Variants in NEGR1 observed in about 807,000 individuals in gnomAD.
NEGR1 encodes IgLON family member 4.
Under a neutral mutation model 40.9 loss-of-function variants are expected in NEGR1, and 10 were observed. The observed-to-expected ratio is 0.24, with a 90% CI of 0.15 to 0.42. NEGR1 has a LOEUF of 0.42. Ranked by LOEUF, NEGR1 falls within the 10% of genes least tolerant of loss-of-function variation. NEGR1 has a pLI of 1.00. For synonymous variants in NEGR1, 185 were observed against 166.8 expected (o/e 1.11, Z -0.84); for missense variants, 352 against 438.9 (o/e 0.80, Z 1.77).
Position 72,073,830 on chromosome 1 carries a change from A to T in NEGR1, c.177-138519T>A, listed in dbSNP as rs537070919. Among the ~76,000 whole-genome samples, 522 of 152,166 alleles carry T rather than the reference A, an allele frequency of 3.4e-3. 1 individual carries two copies. Among genetic ancestry groups the T allele is most frequent in the Non-Finnish European group, 6.3e-3 (427 of 67,980 alleles). ...AAAAAAATAAAAAACAAGAAGAGACATAAGAAAGAAAAATGGAAAATAATG... is the reference window on the plus strand; with the variant it reads ...AAAAAAATAAAAAACAAGAAGAGACTTAAGAAAGAAAAATGGAAAATAATG... On this transcript the variant is annotated intron_variant, in intron 1 of 6. Coordinates refer to ENST00000357731, the MANE Select transcript of NEGR1 (RefSeq NM_173808.3).
intron 4 of NEGR1, among the ~76,000 whole-genome samples, chr1:71,682,524 T>C (rs1295576211): frequency 6.6e-6 from 1 of 152,196 alleles, no homozygotes; most frequent in African/African-American, 2.4e-5. Flanking sequence ...AAGTTGTATT[T>C]CTTCAGAGAT....
intron 1 of NEGR1, among the ~76,000 whole-genome samples, chr1:72,174,612 C>T (rs896295155): frequency 1.3e-5 from 2 of 152,102 alleles, no homozygotes; most frequent in African/African-American, 4.8e-5. Flanking sequence ...GAGTGATTCA[C>T]TGATATTCAT....
intron 5 of NEGR1, among the ~76,000 whole-genome samples, chr1:71,602,543 G>A (rs1356726360): frequency 6.6e-6 from 1 of 151,998 alleles, no homozygotes; most frequent in African/African-American, 2.4e-5. Flanking sequence ...GAGCCACCGC[G>A]CCCGGCCGCC....
chr1:71,933,891 T>C (rs1645879016), intron 2 of NEGR1, among the ~76,000 whole-genome samples: 1 of 152,198 alleles, frequency 6.6e-6, no homozygotes, highest in African/African-American at 2.4e-5. Flanking sequence ...ATTGAAGGTG[T>C]GTTTGAATTC....
At chr1:71,613,556 C>T (rs944202744) in intron 4 of NEGR1, among the ~76,000 whole-genome samples, 3 of 151,544 alleles carry the variant, frequency 2.0e-5, no homozygotes, top group Admixed American at 1.3e-4. Flanking sequence ...GCTTGGGAGG[C>T]TGAAGCAGGA....
rs77619079 is a variant in NEGR1 at position 71,704,227 on chromosome 1, C to T, written c.536-6088G>A. 5.6e-3 allele frequency among the ~76,000 whole-genome samples: 837 copies of T among 149,538 alleles called. 23 individuals are homozygous for T. The highest frequency in any genetic ancestry group is 0.046 in the Admixed American group (693 of 14,976). On this transcript the variant is annotated intron_variant, in intron 3 of 6. Coordinates refer to ENST00000357731, the MANE Select transcript of NEGR1 (RefSeq NM_173808.3). The stretch of plus-strand genomic sequence containing the variant: ...CAAGATTTAAAATCAATTTTGTAAC[C>T]TTTACCTTAAGAAGTTGGAAAAGAA...
chr1:71,896,402 A>G (rs1481712640), intron 2 of NEGR1, among the ~76,000 whole-genome samples: 1 of 152,084 alleles, frequency 6.6e-6, no homozygotes, highest in Non-Finnish European at 1.5e-5. Flanking sequence ...GTTATTCATC[A>G]TTTTATTGTT....
intron 4 of NEGR1, among the ~76,000 whole-genome samples, chr1:71,690,614 G>A (rs138344388): frequency 0.026 from 541 of 21,100 alleles, no homozygotes; most frequent in Middle Eastern, 0.091. Flanking sequence ...ATATATAGAG[G>A]GAGACAGAGA....
intron 1 of NEGR1, among the ~76,000 whole-genome samples, chr1:72,060,317 T>C (rs1173582106): frequency 6.6e-6 from 1 of 151,690 alleles, no homozygotes; most frequent in African/African-American, 2.4e-5. Context: ...AGATTTATCA[T>C]CTTAACTAGC....
chr1:71,575,480 T>C (rs1487890260), intron 6 of NEGR1, among the ~76,000 whole-genome samples: 1 of 152,152 alleles, frequency 6.6e-6, no homozygotes, highest in East Asian at 1.9e-4. Context: ...TTCAAAGCCT[T>C]TTCTACTTAA....
chr1:71,577,479 A>T (rs546129455), intron 6 of NEGR1, among the ~76,000 whole-genome samples: 1 of 152,176 alleles, frequency 6.6e-6, no homozygotes, highest in African/African-American at 2.4e-5. Context: ...AACCCAGATG[A>T]CTATGTATCT....
chr1:71,873,262 A>G (rs1660332304), intron 2 of NEGR1, among the ~76,000 whole-genome samples: 1 of 151,808 alleles, frequency 6.6e-6, no homozygotes. Context: ...ATGTAAATAT[A>G]TAAATACATA....
At chr1:71,835,981 A>G (rs1327503528) in intron 2 of NEGR1, among the ~76,000 whole-genome samples, 2 of 152,066 alleles carry the variant, frequency 1.3e-5, no homozygotes, top group Admixed American at 6.6e-5. Context: ...TCAGTGAGAC[A>G]TAAAATCATA....
At chr1:71,921,655 T>A (rs1353290083) in intron 2 of NEGR1, among the ~76,000 whole-genome samples, 4 of 146,848 alleles carry the variant, frequency 2.7e-5, no homozygotes, top group African/African-American at 9.9e-5. Context: ...AGATACAGTA[T>A]AAGAATATAT....
At chr1:71,933,307 C>T (rs1440539597) in intron 2 of NEGR1, among the ~76,000 whole-genome samples, 1 of 151,700 alleles carries the variant, frequency 6.6e-6, no homozygotes, top group African/African-American at 2.4e-5. Flanking sequence ...TCTTAAATAC[C>T]GATAGTCTGG....
chr1:71,739,199 G>GAAAA (rs776411417), intron 3 of NEGR1, among the ~76,000 whole-genome samples: 10 of 63,558 alleles, frequency 1.6e-4, no homozygotes, highest in East Asian at 4.2e-4. Flanking sequence ...AAGGCAGGCA[G>GAAAA]AAAAAAAAAA....
chr1:71,970,304 C>G (rs182136595), intron 1 of NEGR1, among the ~76,000 whole-genome samples: 3 of 152,234 alleles, frequency 2.0e-5, no homozygotes, highest in Admixed American at 2.0e-4. Flanking sequence ...CTAAATGTTA[C>G]TTCAAGGAAT....
intron 1 of NEGR1, among the ~76,000 whole-genome samples, chr1:72,114,051 T>G (rs12026323): frequency 0.07 from 10,551 of 151,780 alleles, 602 homozygotes; most frequent in East Asian, 0.33. Context: ...GGTACTTGAG[T>G]GTTTTCAAAA....
At chr1:71,625,248 G>GTCC (rs1650733003) in intron 4 of NEGR1, among the ~76,000 whole-genome samples, 1 of 151,460 alleles carries the variant, frequency 6.6e-6, no homozygotes, top group Non-Finnish European at 1.5e-5. Context: ...TTTTTTGTGT[G>GTCC]TATGATACCT....
Sources: allele counts gnomAD v4.1 joint callset (sites outside exome capture counted in the v4.1 genomes callset), GRCh38; gene constraint gnomAD v4.1.1; transcripts MANE v1.5; gene names NCBI Gene and HGNC (gene_info 2026-07-23, HGNC 2026-07-21).